USH1C: variants seen among roughly 807,000 people sequenced by gnomAD.
USH1C encodes harmonin.
Under a neutral mutation model 119.3 loss-of-function variants are expected in USH1C, and 90 were observed. That is an observed-to-expected ratio of 0.75 (90% confidence interval 0.64 to 0.90). The LOEUF (loss-of-function observed/expected upper bound fraction) is 0.90, where lower values mean the gene tolerates loss of function less well. Ranked by LOEUF, USH1C falls within the 40% of genes least tolerant of loss-of-function variation. USH1C has a pLI of 0.00. For synonymous variants in USH1C, 465 were observed against 443.3 expected (o/e 1.05, Z -0.62); for missense variants, 1,165 against 1,167.7 (o/e 1.00, Z 0.03).
intron 1 of USH1C, among the ~76,000 whole-genome samples, chr11:17,542,997 C>T (rs1851532997): frequency 6.6e-6 from 1 of 152,216 alleles, no homozygotes; most frequent in Admixed American, 6.5e-5. Flanking sequence ...CCCTTTGTGC[C>T]CCTACAAAAG....
At chr11:17,523,538 C>T (rs1850522139) in intron 9 of USH1C, 60 bp from the exon 10 acceptor site, 4 of 1,567,514 alleles carry the variant, frequency 2.6e-6, no homozygotes, top group Middle Eastern at 1.7e-4. Context: ...CGCTCATCTG[C>T]AGGACAGGCT....
chr11:17,523,498 A>G lies in USH1C; in HGVS notation c.760-20T>C, dbSNP rs765562480. On this transcript the variant is annotated intron_variant, in intron 9 of 26. Coordinates refer to ENST00000005226, the MANE Select transcript of USH1C (RefSeq NM_153676.4). ...CCCTATCTGGTGGGGAAATGGAGAA[A>G]GATTAGTGTGTTTGCGCTATCTGTA... 1.7e-5 allele frequency: 27 copies of G among 1,613,674 alleles called. No individual in the cohort carries two copies. Among genetic ancestry groups the G allele is most frequent in the Non-Finnish European group, 2.3e-5 (27 of 1,179,754 alleles).
At chr11:17,525,794 G>C (rs1275750541) in intron 8 of USH1C, among the ~76,000 whole-genome samples, 1 of 152,244 alleles carries the variant, frequency 6.6e-6, no homozygotes, top group African/African-American at 2.4e-5. Flanking sequence ...AGGTAACACT[G>C]TTCTGCCTCT....
intron 16 of USH1C, 56 bp downstream of exon 16, chr11:17,511,846 G>A (rs1849905000): frequency 6.3e-7 from 1 of 1,577,262 alleles, no homozygotes; most frequent in Non-Finnish European, 8.6e-7. Flanking sequence ...AGCACATGGA[G>A]AACGACCACA....
Position 17,533,365 on chromosome 11 carries a change from C to CCT in USH1C, c.37-44_37-43insAG, listed in dbSNP as rs746560345. On this transcript the variant is annotated intron_variant, in intron 1 of 26. Coordinates refer to ENST00000005226, the MANE Select transcript of USH1C (RefSeq NM_153676.4). ...AGAATCACAGCTCCAGGCTCAGCAC[C>CCT]CGCCCCCATAGCAGACCTCAGGGAG... The CCT allele has an allele frequency of 2.8e-3, 4,028 of 1,436,844 alleles. 19 individuals carry two copies. The highest frequency in any genetic ancestry group is 3.7e-3 in the Non-Finnish European group (3,822 of 1,024,722). 89.0% of individuals were successfully genotyped at this position (1,436,844 alleles called of 1,614,324 possible). A position where few individuals can be genotyped will look rare whatever the true frequency, so the allele number is the denominator to read the frequency against.
At position 17,494,146 on chromosome 11, in the gene USH1C, G is replaced by A. The variant is rs1055577; in HGVS notation, c.*186C>T. ...TGGCTGGCTGCTCCCTTTCCTCCAC[G>A]TTGGCCTTCAGAAGAGTGGCCCGAG... is the stretch of plus-strand genomic sequence containing the variant. On this transcript the variant is annotated 3_prime_UTR_variant, in exon 27 of 27. Transcript: ENST00000005226. 301,307 of 682,734 alleles carry A rather than the reference G, an allele frequency of 0.44. 67,991 individuals carry two copies. The highest frequency in any genetic ancestry group is 0.47 in the Non-Finnish European group (183,195 of 386,810). The allele number at this position is 682,734 out of a possible 1,614,324, so 42.3% of individuals were successfully genotyped here. A position where few individuals can be genotyped will look rare whatever the true frequency, so the allele number is the denominator to read the frequency against.
intron 15 of USH1C, among the ~76,000 whole-genome samples, chr11:17,514,255 G>A (rs947002342): frequency 6.6e-6 from 1 of 152,190 alleles, no homozygotes; most frequent in Non-Finnish European, 1.5e-5. Context: ...GTCCTGCTCT[G>A]TCACCCAGGC....
At chr11:17,544,211 C>T (rs1592049054) in intron 1 of USH1C, 61 bp downstream of exon 1, 2 of 1,610,192 alleles carry the variant, frequency 1.2e-6, no homozygotes. Context: ...GTGTCCACCC[C>T]CTACCCACCG....
intron 1 of USH1C, chr11:17,533,680 G>A: frequency 4.0e-6 from 2 of 494,396 alleles, no homozygotes; most frequent in Non-Finnish European, 7.9e-6. Context: ...CACCCCCATG[G>A]CTGTGTCATC....
intron 13 of USH1C, 146 bp from the exon 14 acceptor site, chr11:17,521,140 A>T (rs370989388): frequency 4.1e-6 from 5 of 1,230,072 alleles, no homozygotes; most frequent in African/African-American, 3.0e-5. Context: ...CTTGTATTCT[A>T]AATTGAGTGT....
chr11:17,498,541 G>C (rs1447917608), intron 23 of USH1C, among the ~76,000 whole-genome samples: 1 of 152,138 alleles, frequency 6.6e-6, no homozygotes. Flanking sequence ...TATTACAGAG[G>C]GACACAGACC....
At chr11:17,504,114 C>T (rs891057451) in intron 20 of USH1C, among the ~76,000 whole-genome samples, 7 of 152,162 alleles carry the variant, frequency 4.6e-5, no homozygotes, top group Non-Finnish European at 1.0e-4. Flanking sequence ...CTGCCTGATG[C>T]CACTCAGAGG....
chr11:17,540,513 C>G (rs1235356151), intron 1 of USH1C, among the ~76,000 whole-genome samples: 1 of 152,132 alleles, frequency 6.6e-6, no homozygotes, highest in Non-Finnish European at 1.5e-5. Flanking sequence ...AAGGACCTAC[C>G]GATGCTTATC....
At position 17,504,676 on chromosome 11, in the gene USH1C, T is replaced by C. The variant is rs764059609; in HGVS notation, c.2155A>G (p.Met719Val). 1.2e-5 allele frequency: 19 copies of C among 1,612,978 alleles called. No individual in the cohort carries two copies. The highest frequency in any genetic ancestry group is 1.6e-5 in the Non-Finnish European group (19 of 1,179,802). ...CTGAATGCTGTCTGATAAACCACCA[T>C]CCTCTTCAACATCTCCTGTGGCTGC... ...EVLPQEMLKR[M>V]VVYQTAFRQD... is the part of the protein sequence containing the mutation. Residue 719 changes from methionine (M) to valine (V), a missense_variant, in exon 20 of 27, where the codon ATG becomes GTG. Met to Val is a conservative substitution (Grantham distance 21). Transcript: ENST00000005226.
chr11:17,519,575 C>T (rs962374852), intron 14 of USH1C, among the ~76,000 whole-genome samples: 1 of 152,202 alleles, frequency 6.6e-6, no homozygotes, highest in African/African-American at 2.4e-5. Context: ...AAATCGATTT[C>T]TCTCCTGAAG....
chr11:17,520,420 A>C (rs1021143390), intron 14 of USH1C, among the ~76,000 whole-genome samples: 1 of 152,162 alleles, frequency 6.6e-6, no homozygotes, highest in Non-Finnish European at 1.5e-5. Context: ...CTCCTCCCAC[A>C]GTTATGAATC....
chr11:17,511,482 C>A (rs996527202), intron 16 of USH1C, among the ~76,000 whole-genome samples: 2 of 152,128 alleles, frequency 1.3e-5, no homozygotes, highest in African/African-American at 4.8e-5. Context: ...AGCCTCAGAG[C>A]CACACCTGAG....
At chr11:17,525,321 G>C (rs1335575811) in intron 8 of USH1C, among the ~76,000 whole-genome samples, 3 of 152,236 alleles carry the variant, frequency 2.0e-5, no homozygotes, top group Non-Finnish European at 4.4e-5. Flanking sequence ...TTCTAGATTA[G>C]GCTGTTGTCT....
Position 17,495,591 on chromosome 11 carries a change from A to C in USH1C, c.2633T>G (p.Phe878Cys). ...EDRAAVHRHG[F>C]LLQLEPTDLL... The stretch of plus-strand genomic sequence containing the variant: ...CACCGTGGGCTCCAGCTGCAGGAGG[A>C]ACCCGTGTCTGTGCACGGCAGCACG... Residue 878 changes from phenylalanine (F) to cysteine (C), a missense_variant, in exon 26 of 27, where the codon TTC (phenylalanine) becomes TGC (cysteine). Physicochemically the swap from Phe to Cys is radical, Grantham distance 205 (BLOSUM62 -2). Transcript: ENST00000005226. The C allele has an allele frequency of 6.2e-7, 1 of 1,614,164 alleles. No homozygotes were observed. The highest frequency in any genetic ancestry group is 8.5e-7 in the Non-Finnish European group (1 of 1,180,032).
Sources: allele counts gnomAD v4.1 joint callset (sites outside exome capture counted in the v4.1 genomes callset), GRCh38; gene constraint gnomAD v4.1.1; transcripts MANE v1.5; gene names NCBI Gene and HGNC (gene_info 2026-07-23, HGNC 2026-07-21).